The following SLC9A9 variants were observed in gnomAD, a reference collection of about 807,000 sequenced individuals.
SLC9A9 encodes the protein sodium/hydrogen exchanger 9.
In SLC9A9, 62 loss-of-function variants were observed where a neutral mutation model predicts 77.8. The ratio of observed to expected loss-of-function variants is 0.80; its 90% confidence interval spans 0.65 to 0.98. SLC9A9 has a LOEUF of 0.98. Among genes scored for constraint, SLC9A9 ranks in the 50% least tolerant of loss-of-function variants. SLC9A9 has a pLI of 0.00. For missense variants in SLC9A9, 775 were observed against 774.9 expected, an observed-to-expected ratio of 1.00 and a Z score of 0.00; for synonymous variants, 320 against 283.5, an observed-to-expected ratio of 1.13 and a Z score of -1.29.
Position 143,625,936 on chromosome 3 carries a change from C to T in SLC9A9, c.755+26319G>A, listed in dbSNP as rs9755486. Reference sequence around the variant, plus strand: ...ATTTACAAGAAAAAAACAACCAACCCCATCAAAATGTGGGCGAAGGATATG... The same window carrying T: ...ATTTACAAGAAAAAAACAACCAACCTCATCAAAATGTGGGCGAAGGATATG... On this transcript the variant is annotated intron_variant, in intron 6 of 15. Transcript: ENST00000316549. 7.6e-3 allele frequency among the ~76,000 whole-genome samples: 1,155 copies of T among 152,240 alleles called. 14 individuals are homozygous for T. Among genetic ancestry groups the T allele is most frequent in the African/African-American group, 0.027 (1,108 of 41,534 alleles).
At chr3:143,427,820 T>TTGGC (rs1342051374) in intron 12 of SLC9A9, among the ~76,000 whole-genome samples, 2 of 152,236 alleles carry the variant, frequency 1.3e-5, no homozygotes, top group Non-Finnish European at 2.9e-5. Flanking sequence ...GGTCTCTTAC[T>TTGGC]TGGCTGTCAG....
chr3:143,820,056 A>G (rs1378214699), intron 2 of SLC9A9, among the ~76,000 whole-genome samples: 3 of 152,250 alleles, frequency 2.0e-5, no homozygotes, highest in African/African-American at 7.2e-5. Flanking sequence ...TTGAGCACTT[A>G]CTATGAGCCA....
intron 6 of SLC9A9, among the ~76,000 whole-genome samples, chr3:143,646,803 T>TA (rs1481269832): frequency 6.6e-6 from 1 of 152,192 alleles, no homozygotes; most frequent in Non-Finnish European, 1.5e-5. Flanking sequence ...TCACCAATCA[T>TA]ATAGGAGGGT....
At chr3:143,537,399 G>T (rs2036607668) in intron 9 of SLC9A9, among the ~76,000 whole-genome samples, 1 of 152,182 alleles carries the variant, frequency 6.6e-6, no homozygotes, top group South Asian at 2.1e-4. Context: ...TCAGCTGCCT[G>T]CACCAACCTG....
chr3:143,674,967 C>T (rs147702361), intron 5 of SLC9A9, among the ~76,000 whole-genome samples: 72 of 152,188 alleles, frequency 4.7e-4, no homozygotes, highest in Admixed American at 1.6e-3. Flanking sequence ...CTAGCATCAA[C>T]GAGACACTTG....
chr3:143,308,200 A>G (rs2030877225), intron 14 of SLC9A9, among the ~76,000 whole-genome samples: 1 of 152,196 alleles, frequency 6.6e-6, no homozygotes, highest in Non-Finnish European at 1.5e-5. Context: ...CTCTATTGAC[A>G]CGTATATAAA....
intron 12 of SLC9A9, among the ~76,000 whole-genome samples, chr3:143,456,252 C>T (rs1257219266): frequency 1.3e-5 from 2 of 152,140 alleles, no homozygotes; most frequent in Non-Finnish European, 2.9e-5. Flanking sequence ...ATCAGTCCCA[C>T]TTAATTGTAA....
intron 4 of SLC9A9, among the ~76,000 whole-genome samples, chr3:143,714,781 A>G (rs565894032): frequency 6.6e-6 from 1 of 152,284 alleles, no homozygotes; most frequent in South Asian, 2.1e-4. Context: ...ATGGAGGTGA[A>G]GGGGCACTGG....
intron 14 of SLC9A9, among the ~76,000 whole-genome samples, chr3:143,297,622 G>A (rs1036596385): frequency 1.3e-5 from 2 of 152,142 alleles, no homozygotes; most frequent in Non-Finnish European, 1.5e-5. Context: ...GCAATATTAA[G>A]TCTTCTAATT....
intron 4 of SLC9A9, among the ~76,000 whole-genome samples, chr3:143,695,412 A>G (rs1933605113): frequency 6.6e-6 from 1 of 151,818 alleles, no homozygotes; most frequent in Non-Finnish European, 1.5e-5. Flanking sequence ...TTCAGCTCCC[A>G]CTTATGAGTG....
At chr3:143,468,448 T>C (rs1419470758) in intron 11 of SLC9A9, among the ~76,000 whole-genome samples, 1 of 152,258 alleles carries the variant, frequency 6.6e-6, no homozygotes, top group Non-Finnish European at 1.5e-5. Flanking sequence ...GTGTCTGTCC[T>C]TCTTCTAATA....
At chr3:143,313,824 G>A (rs981728801) in intron 14 of SLC9A9, among the ~76,000 whole-genome samples, 6 of 152,190 alleles carry the variant, frequency 3.9e-5, no homozygotes, top group African/African-American at 1.4e-4. Context: ...CTTTGCAAAT[G>A]GGCCTGCCAC....
At chr3:143,429,549 G>A (rs1020151311) in intron 12 of SLC9A9, among the ~76,000 whole-genome samples, 1 of 152,212 alleles carries the variant, frequency 6.6e-6, no homozygotes, top group Non-Finnish European at 1.5e-5. Context: ...CACAGTTCAG[G>A]CAGTTCATTT....
At chr3:143,345,557 A>C (rs1359756919) in intron 14 of SLC9A9, among the ~76,000 whole-genome samples, 1 of 152,188 alleles carries the variant, frequency 6.6e-6, no homozygotes, top group Non-Finnish European at 1.5e-5. Context: ...TGGGTTGAGG[A>C]ATGAGTAGAA....
At chr3:143,835,717 G>A (rs1229212051) in intron 1 of SLC9A9, among the ~76,000 whole-genome samples, 2 of 152,206 alleles carry the variant, frequency 1.3e-5, no homozygotes, top group South Asian at 2.1e-4. Flanking sequence ...GAAGGAAAGA[G>A]GAGACTGGCT....
chr3:143,592,630 C>CA (rs1222272216), intron 6 of SLC9A9, among the ~76,000 whole-genome samples: 27 of 152,240 alleles, frequency 1.8e-4, no homozygotes, highest in Admixed American at 1.7e-3. Context: ...GAGTGACTGA[C>CA]AGAGTTGGGA....
chr3:143,524,529 G>A (rs879313167), intron 9 of SLC9A9, among the ~76,000 whole-genome samples: 3 of 152,144 alleles, frequency 2.0e-5, no homozygotes, highest in Non-Finnish European at 2.9e-5. Flanking sequence ...GAAAATGTTT[G>A]ACAGTACTAA....
intron 14 of SLC9A9, among the ~76,000 whole-genome samples, chr3:143,278,561 G>C (rs1036179490): frequency 4.6e-5 from 7 of 152,160 alleles, no homozygotes; most frequent in Non-Finnish European, 5.9e-5. Context: ...AGCAATCCTT[G>C]GTGTTCCCTG....
chr3:143,743,966 T>C (rs926445928), intron 4 of SLC9A9, among the ~76,000 whole-genome samples: 1 of 152,168 alleles, frequency 6.6e-6, no homozygotes, highest in African/African-American at 2.4e-5. Context: ...TTTAAGCCCC[T>C]AGAGGCAGAA....
Sources: allele counts gnomAD v4.1 joint callset (sites outside exome capture counted in the v4.1 genomes callset), GRCh38; gene constraint gnomAD v4.1.1; transcripts MANE v1.5; gene names NCBI Gene and HGNC (gene_info 2026-07-23, HGNC 2026-07-21).